The following ARMC2 variants were observed in gnomAD, a reference collection of about 807,000 sequenced individuals.
The protein encoded by ARMC2 is armadillo repeat containing 2, also known as armadillo repeat-containing protein 2.
A neutral mutation model predicts 90.3 loss-of-function variants in ARMC2; 67 were observed. That is an observed-to-expected ratio of 0.74 (90% CI 0.61 to 0.91). ARMC2 has a LOEUF of 0.91. ARMC2 is among the 40% of genes least tolerant of loss of function. ARMC2 has a pLI of 0.00. For synonymous variants in ARMC2, 393 were observed against 393.0 expected (o/e 1.00, Z 0.00); for missense variants, 920 against 1,030.9 (o/e 0.89, Z 1.47).
Position 108,876,306 on chromosome 6 carries a change from G to T in ARMC2, c.627G>T (p.Met209Ile). Residue 209 changes from methionine to isoleucine, a missense_variant, in exon 5 of 18, where the codon ATG becomes ATT. Met to Ile is a conservative substitution (Grantham distance 10, BLOSUM62 1). Coordinates refer to ENST00000392644, the MANE Select transcript of ARMC2 (RefSeq NM_032131.6). Reference sequence around the variant, plus strand: ...TCAGTGAAATAAAGGAGCAAGAAATGTTCAAAGGAACAACATCTTTACCAT... The same window carrying T: ...TCAGTGAAATAAAGGAGCAAGAAATTTTCAAAGGAACAACATCTTTACCAT... ...GGFSEIKEQE[M>I]FKGTTSLPSH... The T allele has an allele frequency of 6.2e-7, 1 of 1,611,994 alleles. No individual in the cohort carries two copies. The highest frequency in any genetic ancestry group is 8.5e-7 in the Non-Finnish European group (1 of 1,179,394).
chr6:108,883,605 T>A (rs547998074), intron 5 of ARMC2, among the ~76,000 whole-genome samples: 1 of 152,296 alleles, frequency 6.6e-6, no homozygotes, highest in African/African-American at 2.4e-5. Context: ...GTTGAAAAAA[T>A]AATGATTTCA....
the ARMC2 span, among the ~76,000 whole-genome samples, chr6:109,046,764 G>A: frequency 7.2e-6 from 1 of 138,438 alleles, no homozygotes; most frequent in Non-Finnish European, 1.6e-5. Context: ...GAGTGCCTCT[G>A]CCCGGCCGAG....
chr6:108,946,685 G>T (rs552691509), intron 12 of ARMC2, among the ~76,000 whole-genome samples: 25 of 152,230 alleles, frequency 1.6e-4, no homozygotes, highest in African/African-American at 4.6e-4. Flanking sequence ...TAGAGAGTTC[G>T]GATTTTAAGT....
At chr6:108,987,806 CTTTTT>C in the ARMC2 span, among the ~76,000 whole-genome samples, 2 of 135,582 alleles carry the variant, frequency 1.5e-5, no homozygotes, top group Non-Finnish European at 3.1e-5. Flanking sequence ...CAGCAGCTAT[CTTTTT>C]TTTTTTTTTT....
chr6:108,906,199 A>C (rs1156522646), intron 8 of ARMC2, among the ~76,000 whole-genome samples: 2 of 152,158 alleles, frequency 1.3e-5, no homozygotes, highest in Non-Finnish European at 2.9e-5. Context: ...CTTAAATGTT[A>C]CTATATTAAG....
At chr6:109,049,290 C>T in the ARMC2 span, among the ~76,000 whole-genome samples, 4 of 151,486 alleles carry the variant, frequency 2.6e-5, no homozygotes, top group Non-Finnish European at 5.9e-5. Flanking sequence ...AGTTAAACAT[C>T]GTATGTTCTC....
intron 3 of ARMC2, among the ~76,000 whole-genome samples, chr6:108,862,364 A>T (rs896405395): frequency 6.9e-6 from 1 of 145,484 alleles, no homozygotes; most frequent in Non-Finnish European, 1.5e-5. Context: ...AAAAACAAAA[A>T]AAACAAACAA....
At chr6:109,045,399 T>C in the ARMC2 span, among the ~76,000 whole-genome samples, 1 of 152,214 alleles carries the variant, frequency 6.6e-6, no homozygotes, top group African/African-American at 2.4e-5. Flanking sequence ...GATGATGATA[T>C]AATCCTTTAT....
chr6:109,001,265 T>C, the ARMC2 span: 1 of 1,604,196 alleles, frequency 6.2e-7, no homozygotes, highest in Non-Finnish European at 8.5e-7. Context: ...GCAAAAACAA[T>C]TTTTCACTGA....
the ARMC2 span, among the ~76,000 whole-genome samples, chr6:109,019,702 A>T: frequency 2.6e-5 from 4 of 152,244 alleles, no homozygotes; most frequent in Non-Finnish European, 5.9e-5. Flanking sequence ...GAAAAAAATT[A>T]AGTAGTTTGG....
At chr6:108,927,658 T>C (rs543670990) in intron 10 of ARMC2, among the ~76,000 whole-genome samples, 1 of 151,682 alleles carries the variant, frequency 6.6e-6, no homozygotes. Flanking sequence ...ATTCATTATC[T>C]GATGCTATTT....
At chr6:108,962,488 C>T (rs1778067496) in intron 15 of ARMC2, among the ~76,000 whole-genome samples, 1 of 152,268 alleles carries the variant, frequency 6.6e-6, no homozygotes, top group South Asian at 2.1e-4. Context: ...AAATGTTCCT[C>T]AACAGAGAAG....
At position 108,968,150 on chromosome 6, in the gene ARMC2, A is replaced by G. The variant is rs1583234237; in HGVS notation, c.2446+3010A>G. On this transcript the variant is annotated intron_variant, in intron 17 of 17. Coordinates refer to ENST00000392644, the MANE Select transcript of ARMC2 (RefSeq NM_032131.6). Reference sequence around the variant, plus strand: ...GATAGCTGCATGTGGATTGGCTAACAATGGTGGTACCTTTGTTTCAATAGT... The same window carrying G: ...GATAGCTGCATGTGGATTGGCTAACGATGGTGGTACCTTTGTTTCAATAGT... Among the ~76,000 whole-genome samples, 5 of 152,330 alleles carry G rather than the reference A, an allele frequency of 3.3e-5. 1 individual carries two copies. The highest frequency in any genetic ancestry group is 3.3e-4 in the Admixed American group (5 of 15,302).
At chr6:109,024,415 C>A in the ARMC2 span, among the ~76,000 whole-genome samples, 4 of 152,090 alleles carry the variant, frequency 2.6e-5, no homozygotes, top group Admixed American at 6.6e-5. Context: ...TAGCAGGAAG[C>A]CATTTTCTAT....
chr6:109,001,497 A>AAG, the ARMC2 span: 29,081 of 1,603,078 alleles, frequency 0.018, 355 homozygotes, highest in Non-Finnish European at 0.02. Flanking sequence ...ATCTGTATAA[A>AAG]TGAGAAAAAC....
the ARMC2 span, among the ~76,000 whole-genome samples, chr6:109,050,988 A>G: frequency 2.6e-5 from 4 of 152,208 alleles, no homozygotes; most frequent in African/African-American, 7.2e-5. Flanking sequence ...AAGTTGTTCA[A>G]TTAGCATGAC....
chr6:109,042,586 C>G, the ARMC2 span, among the ~76,000 whole-genome samples: 1 of 149,276 alleles, frequency 6.7e-6, no homozygotes, highest in South Asian at 2.1e-4. Context: ...ATACTGTGAA[C>G]ATTCTATACT....
At chr6:108,872,136 T>G (rs1223110669) in intron 4 of ARMC2, among the ~76,000 whole-genome samples, 3 of 152,184 alleles carry the variant, frequency 2.0e-5, no homozygotes, top group African/African-American at 7.2e-5. Flanking sequence ...ATCCCTTTGT[T>G]TGCTGTGAAG....
At chr6:108,933,273 G>A (rs754628912) in intron 11 of ARMC2, among the ~76,000 whole-genome samples, 5 of 152,070 alleles carry the variant, frequency 3.3e-5, no homozygotes, top group Non-Finnish European at 5.9e-5. Context: ...TCATTGTAGA[G>A]ATCTTTCACC....
Sources: gnomAD v4.1 joint callset for allele counts (sites outside exome capture counted in the v4.1 genomes callset) on GRCh38, gnomAD v4.1.1 for gene constraint, MANE v1.5 for transcripts, NCBI Gene and HGNC (gene_info 2026-07-23, HGNC 2026-07-21) for gene names.